ST7: variants seen among roughly 807,000 people sequenced by gnomAD.
ST7 encodes suppressor of tumorigenicity 7 protein.
In ST7, 28 loss-of-function variants were observed where a neutral mutation model predicts 78.7. The ratio of observed to expected loss-of-function variants is 0.36; its 90% CI spans 0.26 to 0.49. The LOEUF (loss-of-function observed/expected upper bound fraction) is 0.49, where lower values mean the gene tolerates loss of function less well. Ranked by LOEUF, ST7 falls within the 20% of genes least tolerant of loss-of-function variation. The pLI is 0.99. For missense variants in ST7, 418 were observed against 696.0 expected, an observed-to-expected ratio of 0.60 and a Z score of 4.49; for synonymous variants, 247 against 249.6, an observed-to-expected ratio of 0.99 and a Z score of 0.10.
chr7:117,072,073 C>T (rs1185447752), intron 1 of ST7: 2 of 152,204 alleles, frequency 1.3e-5, no homozygotes, highest in African/African-American at 4.8e-5. Context: ...ATCCTAATGT[C>T]ATAAGCAGAA....
At chr7:117,081,344 TG>T (rs1430743284) in intron 1 of ST7, among the ~76,000 whole-genome samples, 1 of 152,182 alleles carries the variant, frequency 6.6e-6, no homozygotes, top group Non-Finnish European at 1.5e-5. Context: ...CAGGTCTGAA[TG>T]CTTCAATTTT....
intron 1 of ST7, among the ~76,000 whole-genome samples, chr7:116,958,149 C>T (rs1180676114): frequency 2.7e-5 from 4 of 147,408 alleles, no homozygotes; most frequent in African/African-American, 7.5e-5. Flanking sequence ...GTGCACACCA[C>T]AGTGCGTGGC....
chr7:117,178,226 T>C (rs1029469280), intron 10 of ST7, among the ~76,000 whole-genome samples: 1 of 152,162 alleles, frequency 6.6e-6, no homozygotes, highest in Admixed American at 6.6e-5. Context: ...GTTGAGTCCT[T>C]ATTATGTTGA....
At chr7:117,148,170 A>G (rs1805960527) in intron 9 of ST7, among the ~76,000 whole-genome samples, 1 of 152,058 alleles carries the variant, frequency 6.6e-6, no homozygotes, top group Non-Finnish European at 1.5e-5. Context: ...TTGCATGCTC[A>G]GTTATTTGTT....
intron 13 of ST7, among the ~76,000 whole-genome samples, chr7:117,212,787 AAAT>A (rs1035847453): frequency 6.0e-4 from 91 of 152,340 alleles, no homozygotes; most frequent in African/African-American, 2.1e-3. Flanking sequence ...TATATTTAAA[AAAT>A]AATATCTCAT....
chr7:116,972,559 A>G, intron 1 of ST7: 2 of 1,387,110 alleles, frequency 1.4e-6, no homozygotes, highest in African/African-American at 2.8e-5. Flanking sequence ...CTCTTCTGCA[A>G]TGTGCTTAGC....
chr7:116,957,823 A>G (rs142040864), intron 1 of ST7, among the ~76,000 whole-genome samples: 8 of 152,316 alleles, frequency 5.3e-5, no homozygotes, highest in African/African-American at 1.9e-4. Flanking sequence ...GAATTTAAAC[A>G]CCTTTTCCTA....
chr7:117,228,726 G>C (rs1291200528), intron 15 of ST7, among the ~76,000 whole-genome samples: 1 of 152,098 alleles, frequency 6.6e-6, no homozygotes, highest in Non-Finnish European at 1.5e-5. Context: ...CTTGACCTCA[G>C]AACTATGATC....
intron 1 of ST7, among the ~76,000 whole-genome samples, chr7:117,009,337 A>T (rs897015573): frequency 1.1e-5 from 1 of 93,128 alleles, no homozygotes; most frequent in Admixed American, 1.2e-4. Flanking sequence ...TTCTTTGCTT[A>T]TTTTCCAGTG....
chr7:117,110,294 G>T (rs1276735482), intron 2 of ST7, among the ~76,000 whole-genome samples: 1 of 152,174 alleles, frequency 6.6e-6, no homozygotes, highest in Non-Finnish European at 1.5e-5. Flanking sequence ...TCACTCTGAT[G>T]CTGAAAGGTA....
chr7:117,039,890 A>C (rs1797117121), intron 1 of ST7, among the ~76,000 whole-genome samples: 1 of 152,162 alleles, frequency 6.6e-6, no homozygotes, highest in Admixed American at 6.5e-5. Flanking sequence ...TTGCCTGGCC[A>C]AGCATCTTGC....
intron 1 of ST7, among the ~76,000 whole-genome samples, chr7:117,065,809 T>C (rs1798605031): frequency 6.6e-6 from 1 of 152,190 alleles, no homozygotes; most frequent in East Asian, 1.9e-4. Context: ...CGTCAGTGAT[T>C]TTCCATTGTA....
intron 1 of ST7, among the ~76,000 whole-genome samples, chr7:117,000,359 G>A (rs146285373): frequency 2.2e-4 from 34 of 152,314 alleles, no homozygotes; most frequent in African/African-American, 7.9e-4. Context: ...TAGTGTGACT[G>A]AGGAAGTGAA....
chr7:117,229,658 T>C, intron 15 of ST7, 104 bp from the exon 16 acceptor site: 1 of 934,652 alleles, frequency 1.1e-6, no homozygotes, highest in Non-Finnish European at 1.6e-6. Context: ...TTTTGAGACT[T>C]TCGTAATGCA....
chr7:117,112,927 AG>A (rs1366905221), intron 2 of ST7, among the ~76,000 whole-genome samples: 21 of 152,358 alleles, frequency 1.4e-4, no homozygotes, highest in Middle Eastern at 3.4e-3. Flanking sequence ...GATCTTCTGC[AG>A]GGGACCCCGT....
intron 9 of ST7, among the ~76,000 whole-genome samples, chr7:117,144,598 A>ACT (rs538891978): frequency 7.4e-5 from 11 of 148,148 alleles, no homozygotes; most frequent in Non-Finnish European, 1.6e-4. Context: ...AGGCCACTGC[A>ACT]CTCCAGCCTA....
chr7:117,008,493 C>G (rs1341206883), intron 1 of ST7, among the ~76,000 whole-genome samples: 2 of 152,098 alleles, frequency 1.3e-5, no homozygotes, highest in African/African-American at 4.8e-5. Flanking sequence ...CCATGATTTC[C>G]ATTTTTATAT....
chr7:117,008,971 A>C lies in ST7; in HGVS notation c.151+55280A>C, dbSNP rs1287172718. Among the ~76,000 whole-genome samples, 3 of 152,212 alleles carry C rather than the reference A, an allele frequency of 2.0e-5. No individual in the cohort carries two copies. The East Asian group carries it at 5.8e-4, about 29-fold the overall frequency. On this transcript the variant is annotated intron_variant, in intron 1 of 15. Coordinates refer to ENST00000323984, the MANE Select transcript of ST7 (RefSeq NM_001369598.1). ...AAGAAATTTAATTTCAAAGTTTATA[A>C]ATAAAGTTTTATTGGAACATGGCTA... is the stretch of plus-strand genomic sequence containing the variant.
intron 1 of ST7, among the ~76,000 whole-genome samples, chr7:117,065,357 C>T (rs1277863204): frequency 2.0e-5 from 3 of 152,068 alleles, no homozygotes; most frequent in African/African-American, 4.8e-5. Flanking sequence ...TACAGGCACC[C>T]GCCACCATGC....
Sources: allele counts gnomAD v4.1 joint callset (sites outside exome capture counted in the v4.1 genomes callset), GRCh38; gene constraint gnomAD v4.1.1; transcripts MANE v1.5; gene names NCBI Gene and HGNC (gene_info 2026-07-23, HGNC 2026-07-21).